The following CSF2RA variants were observed in gnomAD, a reference collection of about 807,000 sequenced individuals.
CSF2RA encodes the protein granulocyte-macrophage colony-stimulating factor receptor subunit alpha.
A neutral mutation model predicts 51.6 loss-of-function variants in CSF2RA; 42 were observed. That is an observed-to-expected ratio of 0.81 (90% confidence interval 0.64 to 1.05). The LOEUF (loss-of-function observed/expected upper bound fraction) is 1.05, where lower values mean the gene tolerates loss of function less well. Among genes scored for constraint, CSF2RA ranks in the 50% least tolerant of loss-of-function variants. The probability of loss-of-function intolerance (pLI) is 0.00; values close to 1 mark genes in which losing one functional copy is unlikely to be tolerated. For synonymous variants in CSF2RA, 222 were observed against 193.0 expected, an observed-to-expected ratio of 1.15 and a Z score of -1.24; for missense variants, 530 against 501.1, an observed-to-expected ratio of 1.06 and a Z score of -0.55.
In CSF2RA at chrX:1,286,518, G is replaced by A. The variant is rs1462852348; in HGVS notation, c.219+598G>A. On this transcript the variant is annotated intron_variant, in intron 4 of 12. Transcript: ENST00000381529. ...CGGGAGGCGGAGGTTGCGGTGAGCCGAGATGGTGCCATTGCACTCCAGCCT... is the reference window on the plus strand; with the variant it reads ...CGGGAGGCGGAGGTTGCGGTGAGCCAAGATGGTGCCATTGCACTCCAGCCT... 7.3e-5 allele frequency among the ~76,000 whole-genome samples: 11 copies of A among 151,574 alleles called. 1 individual carries two copies. Among genetic ancestry groups the A allele is most frequent in the South Asian group, 6.2e-4 (3 of 4,812 alleles).
chrX:1,320,521 G>T, the CSF2RA span, among the ~76,000 whole-genome samples: 1 of 143,764 alleles, frequency 7.0e-6, no homozygotes, highest in Non-Finnish European at 1.5e-5. Context: ...TTTCCGAGAC[G>T]GAGTGTTACT....
chrX:1,277,993 AT>A (rs1385031343), intron 2 of CSF2RA, among the ~76,000 whole-genome samples: 24 of 141,114 alleles, frequency 1.7e-4, no homozygotes, highest in Admixed American at 3.0e-4. Flanking sequence ...AAAAAAAAAA[AT>A]TTCAGGGCGA....
At chrX:1,281,122 C>T (rs2089978091) in intron 2 of CSF2RA, among the ~76,000 whole-genome samples, 3 of 121,380 alleles carry the variant, frequency 2.5e-5, no homozygotes, top group Non-Finnish European at 3.4e-5. Context: ...TCTCCTCCTC[C>T]TCCTCCTCCT....
At chrX:1,311,348 C>A (rs186858403), downstream of CSF2RA, among the ~76,000 whole-genome samples, 773 of 152,150 alleles carry the variant, frequency 5.1e-3, 7 homozygotes, top group African/African-American at 0.017. Flanking sequence ...TCCTCTCCCA[C>A]CAGGAGTGGA....
intron 7 of CSF2RA, among the ~76,000 whole-genome samples, chrX:1,291,821 T>C (rs2091430268): frequency 6.8e-6 from 1 of 146,724 alleles, no homozygotes; most frequent in Admixed American, 6.8e-5. Context: ...GGATCCAGTG[T>C]AGACAGGAGG....
intron 2 of CSF2RA, among the ~76,000 whole-genome samples, chrX:1,280,372 G>A (rs1336053789): frequency 1.3e-5 from 2 of 151,296 alleles, no homozygotes; most frequent in Admixed American, 1.3e-4. Context: ...TTGGGAGGCC[G>A]AGGCAGGAGA....
chrX:1,288,169 G>T (rs1378115991), intron 4 of CSF2RA, among the ~76,000 whole-genome samples: 1 of 151,976 alleles, frequency 6.6e-6, no homozygotes, highest in Non-Finnish European at 1.5e-5. Context: ...GCAGGTGCGT[G>T]TCGCCAAATC....
At chrX:1,295,301 G>T (rs2091835956) in intron 8 of CSF2RA, 126 bp from the exon 9 acceptor site, 1 of 1,203,140 alleles carries the variant, frequency 8.3e-7, no homozygotes, top group African/African-American at 1.5e-5. Context: ...AGGGAGACCT[G>T]CCTGCCACTC....
At chrX:1,287,743 C>A (rs1480495176) in intron 4 of CSF2RA, among the ~76,000 whole-genome samples, 2 of 129,790 alleles carry the variant, frequency 1.5e-5, no homozygotes, top group Non-Finnish European at 3.3e-5. Context: ...TATGTCCGAC[C>A]CTTTTTTTGG....
intron 4 of CSF2RA, 91 bp downstream of exon 4, chrX:1,286,011 G>A (rs1483714073): frequency 5.9e-5 from 90 of 1,530,964 alleles, no homozygotes; most frequent in African/African-American, 9.5e-5. Flanking sequence ...GGCGGCTCAC[G>A]CCTGTCATCC....
chrX:1,281,776 G>C (rs192497451), intron 2 of CSF2RA: 10 of 149,488 alleles, frequency 6.7e-5, no homozygotes, highest in African/African-American at 1.7e-4. Flanking sequence ...CTTTCCCTTA[G>C]TCATAAGTAT....
intron 6 of CSF2RA, 124 bp from the exon 7 acceptor site, chrX:1,290,213 T>TTGTTTTGTGTTTTTG: frequency 1.2e-6 from 1 of 804,904 alleles, no homozygotes; most frequent in East Asian, 2.5e-5. Flanking sequence ...TTTTGTGTTT[T>TTGTTTTGTGTTTTTG]TGTTTTGTGT....
chrX:1,286,147 C>G (rs1387644801), intron 4 of CSF2RA, among the ~76,000 whole-genome samples: 1 of 151,770 alleles, frequency 6.6e-6, no homozygotes, highest in Admixed American at 6.6e-5. Context: ...TGGTGCATGC[C>G]TGTAGTCCCA....
intron 9 of CSF2RA, among the ~76,000 whole-genome samples, chrX:1,299,843 G>A (rs749911101): frequency 3.3e-5 from 5 of 150,930 alleles, no homozygotes; most frequent in Admixed American, 1.3e-4. Context: ...GCGTGAACCC[G>A]GGAAGCGGAG....
chrX:1,315,994 GGATA>G, the CSF2RA span, among the ~76,000 whole-genome samples: 1 of 120,442 alleles, frequency 8.3e-6, no homozygotes, highest in African/African-American at 3.0e-5. Context: ...GATGATAGAT[GGATA>G]GACAGATAGA....
At chrX:1,300,459 G>A (rs776357191) in intron 9 of CSF2RA, 32 bp from the exon 10 acceptor site, 2 of 1,613,552 alleles carry the variant, frequency 1.2e-6, no homozygotes, top group South Asian at 1.1e-5. Flanking sequence ...CACAGAAGAC[G>A]CCTATCTCTA....
chrX:1,324,360 G>C, the CSF2RA span, among the ~76,000 whole-genome samples: 1 of 135,414 alleles, frequency 7.4e-6, no homozygotes. Context: ...GAAGGAAAAA[G>C]AGAAAGGAAA....
chrX:1,314,478 ACCTACCCAACCCCACTGTG>A (rs1488137894), downstream of CSF2RA, among the ~76,000 whole-genome samples: 495 of 138,936 alleles, frequency 3.6e-3, 4 homozygotes, highest in Non-Finnish European at 5.6e-3. Flanking sequence ...ACCCCAATGC[ACCTACCCAACCCCACTGTG>A]CCTGCCCAAC....
chrX:1,321,401 G>A, the CSF2RA span, among the ~76,000 whole-genome samples: 16 of 150,136 alleles, frequency 1.1e-4, no homozygotes, highest in South Asian at 1.3e-3. Context: ...CCCGGGAGGC[G>A]GAGCTTGCAG....
Sources: allele counts gnomAD v4.1 joint callset (sites outside exome capture counted in the v4.1 genomes callset), GRCh38; gene constraint gnomAD v4.1.1; transcripts MANE v1.5; gene names NCBI Gene and HGNC (gene_info 2026-07-23, HGNC 2026-07-21).